The following KIAA0825 variants were observed in gnomAD, a reference collection of about 807,000 sequenced individuals.
The protein encoded by KIAA0825 is uncharacterized protein KIAA0825.
In KIAA0825, 119 loss-of-function variants were observed where a neutral mutation model predicts 147.6. The observed-to-expected ratio is 0.81, with a 90% CI of 0.69 to 0.94. The LOEUF (loss-of-function observed/expected upper bound fraction) is 0.94, where lower values mean the gene tolerates loss of function less well. KIAA0825 is among the 40% of genes least tolerant of loss of function. The probability of loss-of-function intolerance (pLI) is 0.00; values close to 1 mark genes in which losing one functional copy is unlikely to be tolerated. For missense variants in KIAA0825, 1,381 were observed against 1,472.7 expected (o/e 0.94, Z 1.02); for synonymous variants, 470 against 518.1 (o/e 0.91, Z 1.26).
At chr5:94,539,611 G>T (rs1382818397) in intron 2 of KIAA0825, among the ~76,000 whole-genome samples, 3 of 152,150 alleles carry the variant, frequency 2.0e-5, no homozygotes, top group Admixed American at 6.5e-5. Context: ...GCACTGATCA[G>T]CCAACTCTGG....
chr5:94,192,901 AAC>A (rs1484098515), intron 20 of KIAA0825, among the ~76,000 whole-genome samples: 1 of 152,206 alleles, frequency 6.6e-6, no homozygotes, highest in East Asian at 1.9e-4. Flanking sequence ...TTAGAGCTAT[AAC>A]ACATACATTT....
chr5:94,378,855 G>C (rs1286774570), intron 20 of KIAA0825, among the ~76,000 whole-genome samples: 1 of 152,164 alleles, frequency 6.6e-6, no homozygotes, highest in Non-Finnish European at 1.5e-5. Context: ...CTAATATTTA[G>C]TGATATTGAG....
intron 20 of KIAA0825, among the ~76,000 whole-genome samples, chr5:94,305,915 T>G (rs1016650231): frequency 6.6e-6 from 1 of 151,924 alleles, no homozygotes; most frequent in Non-Finnish European, 1.5e-5. Context: ...TAATAAGTGA[T>G]AGCGAACTTG....
At chr5:94,590,237 T>G (rs1784107515) in intron 1 of KIAA0825, among the ~76,000 whole-genome samples, 1 of 152,144 alleles carries the variant, frequency 6.6e-6, no homozygotes, top group South Asian at 2.1e-4. Context: ...TCAAGTGATC[T>G]GTCCGCGTCA....
At chr5:94,541,173 T>A (rs1014550340) in intron 2 of KIAA0825, among the ~76,000 whole-genome samples, 2 of 152,152 alleles carry the variant, frequency 1.3e-5, no homozygotes, top group African/African-American at 4.8e-5. Context: ...AACTTGCCTG[T>A]TTTACAGCTA....
chr5:94,322,209 C>T (rs949921848), intron 20 of KIAA0825, among the ~76,000 whole-genome samples: 6 of 151,830 alleles, frequency 4.0e-5, no homozygotes, highest in African/African-American at 1.2e-4. Flanking sequence ...CAGAATAATA[C>T]AGATGTACTA....
intron 20 of KIAA0825, among the ~76,000 whole-genome samples, chr5:94,164,669 C>A (rs528441515): frequency 3.0e-4 from 45 of 152,204 alleles, no homozygotes; most frequent in African/African-American, 1.0e-3. Flanking sequence ...CCTCAGCCTC[C>A]CAAAGTGCTG....
At chr5:94,255,707 CTTTTTTTT>C (rs57646287) in intron 20 of KIAA0825, among the ~76,000 whole-genome samples, 7 of 47,816 alleles carry the variant, frequency 1.5e-4, no homozygotes, top group African/African-American at 6.0e-4. Flanking sequence ...AGAATTATGG[CTTTTTTTT>C]TTTTTTTTTT....
intron 6 of KIAA0825, among the ~76,000 whole-genome samples, chr5:94,478,209 G>A (rs887005379): frequency 6.6e-5 from 10 of 152,080 alleles, no homozygotes; most frequent in African/African-American, 2.4e-4. Context: ...GTTTTGTTCT[G>A]ATGTTAATTT....
intron 2 of KIAA0825, 24 bp from the exon 3 acceptor site, chr5:94,537,151 A>C: frequency 6.3e-7 from 1 of 1,584,132 alleles, no homozygotes; most frequent in Middle Eastern, 1.7e-4. Context: ...ATAAATAATA[A>C]AACATGTCAG....
At chr5:94,312,790 T>C (rs558288481) in intron 20 of KIAA0825, among the ~76,000 whole-genome samples, 2 of 151,734 alleles carry the variant, frequency 1.3e-5, no homozygotes, top group South Asian at 2.1e-4. Flanking sequence ...CATAAAAAGG[T>C]TTAGAGCAAA....
chr5:94,154,655 G>A (rs780431284), intron 20 of KIAA0825, among the ~76,000 whole-genome samples: 19 of 152,094 alleles, frequency 1.2e-4, no homozygotes, highest in African/African-American at 3.9e-4. Context: ...TAGAAAAGTG[G>A]CAAATTGTTA....
At chr5:94,500,870 C>T (rs554578487) in intron 5 of KIAA0825, among the ~76,000 whole-genome samples, 6 of 152,228 alleles carry the variant, frequency 3.9e-5, no homozygotes, top group Admixed American at 2.0e-4. Context: ...CTCCGCCTCC[C>T]GGGTTCAAGC....
rs73773619 is a variant in KIAA0825 at position 94,285,893 on chromosome 5, C to T, written c.3710+98475G>A. ...GAAAAATAAAACCAGAAGCTAGAGTCGAGGTGGGAGTTAGTCCATCCTGCT... is the reference window on the plus strand; with the variant it reads ...GAAAAATAAAACCAGAAGCTAGAGTTGAGGTGGGAGTTAGTCCATCCTGCT... On this transcript the variant is annotated intron_variant, in intron 20 of 20. Transcript: ENST00000682413. Among the ~76,000 whole-genome samples the T allele has an allele frequency of 3.1e-3, 470 of 152,220 alleles. 2 individuals carry two copies. Among genetic ancestry groups the T allele is most frequent in the African/African-American group, 0.011 (446 of 41,554 alleles).
At chr5:94,230,058 G>A (rs546042581) in intron 20 of KIAA0825, among the ~76,000 whole-genome samples, 1 of 152,094 alleles carries the variant, frequency 6.6e-6, no homozygotes, top group Non-Finnish European at 1.5e-5. Context: ...ATATGTGTTC[G>A]TGGGTAAGCA....
chr5:94,391,512 C>G (rs1459204965), intron 18 of KIAA0825, 23 bp downstream of exon 18: 2 of 1,551,050 alleles, frequency 1.3e-6, no homozygotes, highest in African/African-American at 1.4e-5. Flanking sequence ...CCTAATTGCT[C>G]GATAAAAAGG....
chr5:94,422,215 TTCCTC>T (rs751035281), intron 14 of KIAA0825, among the ~76,000 whole-genome samples: 5 of 152,168 alleles, frequency 3.3e-5, no homozygotes, highest in Non-Finnish European at 5.9e-5. Flanking sequence ...AATTCTGACT[TTCCTC>T]TAAAGTAGGT....
rs536969093 is a variant in KIAA0825 at position 94,170,115 on chromosome 5, C to G, written c.3711-15991G>C. 4.6e-5 allele frequency among the ~76,000 whole-genome samples: 7 copies of G among 152,034 alleles called. No individual in the cohort carries two copies. In the East Asian group the frequency reaches 1.2e-3, roughly 25 times the overall value. On this transcript the variant is annotated intron_variant, in intron 20 of 20. Coordinates refer to ENST00000682413, the MANE Select transcript of KIAA0825 (RefSeq NM_001145678.3). ...GAGATCAAGACCATCCTGGCTAACA[C>G]GGTGAAACCCCGTCTCTACTAAAAA...
At chr5:94,521,119 C>A (rs527321130) in intron 4 of KIAA0825, among the ~76,000 whole-genome samples, 1 of 151,828 alleles carries the variant, frequency 6.6e-6, no homozygotes, top group African/African-American at 2.4e-5. Flanking sequence ...TTGAATTGTT[C>A]ATTTCAAACC....
Sources: allele counts gnomAD v4.1 joint callset (sites outside exome capture counted in the v4.1 genomes callset), GRCh38; gene constraint gnomAD v4.1.1; transcripts MANE v1.5; gene names NCBI Gene and HGNC (gene_info 2026-07-23, HGNC 2026-07-21).